NUP107: variants seen among roughly 807,000 people sequenced by gnomAD.
NUP107 encodes nucleoporin 107, also known as nuclear pore complex protein Nup107.
NUP107 carries 101 observed loss-of-function variants against 141.0 expected under a neutral mutation model. The ratio of observed to expected loss-of-function variants is 0.72; its 90% CI spans 0.61 to 0.84. The LOEUF is 0.84. Among genes scored for constraint, NUP107 ranks in the 40% least tolerant of loss-of-function variants. The pLI, the probability that NUP107 is intolerant of heterozygous loss-of-function variation, is 0.00. For synonymous variants in NUP107, 319 were observed against 363.9 expected, an observed-to-expected ratio of 0.88 and a Z score of 1.41; for missense variants, 941 against 1,102.7, an observed-to-expected ratio of 0.85 and a Z score of 2.08.
At chr12:68,737,423 C>G (rs1878122859) in intron 26 of NUP107, among the ~76,000 whole-genome samples, 1 of 151,656 alleles carries the variant, frequency 6.6e-6, no homozygotes, top group Non-Finnish European at 1.5e-5. Flanking sequence ...AAAAATTAGC[C>G]TGGTGTGGTG....
At chr12:68,689,773 G>A in intron 3 of NUP107, 154 bp downstream of exon 3, 1 of 600,346 alleles carries the variant, frequency 1.7e-6, no homozygotes, top group South Asian at 2.1e-5. Context: ...CTCTTGCCAT[G>A]TACAAGGTAC....
chr12:68,713,964 G>T, intron 11 of NUP107, 156 bp downstream of exon 11: 1 of 572,608 alleles, frequency 1.7e-6, no homozygotes, highest in South Asian at 2.2e-5. Context: ...GGAATCTGAT[G>T]GAATATATTG....
chr12:68,709,977 CTAATT>C, intron 9 of NUP107, 23 bp from the exon 10 acceptor site: 1 of 1,295,570 alleles, frequency 7.7e-7, no homozygotes, highest in Non-Finnish European at 1.1e-6. Flanking sequence ...GTAGTTAACA[CTAATT>C]TATTTTTTTC....
chr12:68,719,581 CAGA>C lies in NUP107; in HGVS notation c.1180_1182del (p.Glu394del), dbSNP rs1432483610. On this transcript the variant is annotated inframe_deletion, in exon 14 of 28. Coordinates refer to ENST00000229179, the MANE Select transcript of NUP107 (RefSeq NM_020401.4). ...ATTTTCTTTTGCTATTTTATAGGAA[CAGA>C]ATTAGAACCTGTTGAAGGGAATCCA... The C allele has an allele frequency of 1.2e-6, 2 of 1,609,284 alleles. No homozygotes were observed. Among genetic ancestry groups the C allele is most frequent in the East Asian group, 4.5e-5 (2 of 44,816 alleles).
chr12:68,705,703 T>C, intron 8 of NUP107: 1 of 653,762 alleles, frequency 1.5e-6, no homozygotes, highest in South Asian at 1.4e-5. Context: ...CAGTAGCCAT[T>C]CCTACATGTG....
At chr12:68,693,944 T>A (rs1238320655) in intron 5 of NUP107, among the ~76,000 whole-genome samples, 1 of 152,240 alleles carries the variant, frequency 6.6e-6, no homozygotes, top group African/African-American at 2.4e-5. Context: ...TTATGACCAC[T>A]GTACAAGCAT....
chr12:68,721,010 A>G, intron 14 of NUP107, 108 bp from the exon 15 acceptor site: 4 of 609,018 alleles, frequency 6.6e-6, no homozygotes, highest in Non-Finnish European at 2.9e-6. Flanking sequence ...AAAACTATCA[A>G]GTGAATAGGT....
chr12:68,706,416 C>T (rs917489366), intron 8 of NUP107: 3 of 928,300 alleles, frequency 3.2e-6, no homozygotes, highest in African/African-American at 3.2e-5. Flanking sequence ...AGCATCATCG[C>T]TGAGGTCAAG....
chr12:68,708,093 A>G (rs879462803), intron 8 of NUP107, among the ~76,000 whole-genome samples: 1 of 152,164 alleles, frequency 6.6e-6, no homozygotes, highest in Non-Finnish European at 1.5e-5. Flanking sequence ...CTCTGTCTCA[A>G]AAAATAAATA....
chr12:68,689,592 C>T lies in NUP107; in HGVS notation c.160C>T (p.Arg54Ter). The stretch of plus-strand genomic sequence containing the variant: ...TACACCAAGAAACCAGGTTATCCCT[C>T]GAACTCCTAGCTCATTTCGACAGCC... ...NTTPRNQVIP[R>*]TPSSFRQPFT... Residue 54 changes from arginine to a stop codon, truncating the protein, a stop_gained, in exon 3 of 28, where the codon CGA becomes TGA. Coordinates refer to ENST00000229179, the MANE Select transcript of NUP107 (RefSeq NM_020401.4). LOFTEE classifies it high-confidence loss of function. The T allele has an allele frequency of 3.1e-6, 5 of 1,612,582 alleles. No homozygotes were observed. The highest frequency in any genetic ancestry group is 1.1e-5 in the South Asian group (1 of 90,818).
intron 10 of NUP107, among the ~76,000 whole-genome samples, 191 bp from the exon 11 acceptor site, chr12:68,713,539 C>T (rs557472815): frequency 6.6e-6 from 1 of 152,056 alleles, no homozygotes; most frequent in South Asian, 2.1e-4. Flanking sequence ...AGATGAATGG[C>T]CAATAAGGAC....
chr12:68,726,468 A>G (rs1360355609), intron 18 of NUP107, 31 bp from the exon 19 acceptor site: 13 of 1,340,984 alleles, frequency 9.7e-6, no homozygotes, highest in Non-Finnish European at 1.3e-5. Flanking sequence ...TTTTATTCCT[A>G]TTGTTGAATC....
Position 68,743,849 on chromosome 12 carries a change from G to T in NUP107, c.*1387G>T, listed in dbSNP as rs961300801. 1 of 152,010 alleles carries T rather than the reference G, an allele frequency of 6.6e-6. No individual in the cohort carries two copies. The highest frequency in any genetic ancestry group is 2.4e-5 in the African/African-American group (1 of 41,378). The allele number at this position is 152,010 out of a possible 1,614,324, so 9.4% of individuals were successfully genotyped here. A position where few individuals can be genotyped will look rare whatever the true frequency, so the allele number is the denominator to read the frequency against. ...TTTATTTCTCTAAAGAATTCATCTTGTCTTCCTGTTTTCTTTATTCTTACT... is the reference window on the plus strand; with the variant it reads ...TTTATTTCTCTAAAGAATTCATCTTTTCTTCCTGTTTTCTTTATTCTTACT... On this transcript the variant is annotated 3_prime_UTR_variant, in exon 28 of 28. Coordinates refer to ENST00000229179, the MANE Select transcript of NUP107 (RefSeq NM_020401.4).
chr12:68,701,896 G>A (rs554881550), intron 7 of NUP107, among the ~76,000 whole-genome samples: 5 of 151,918 alleles, frequency 3.3e-5, no homozygotes, highest in South Asian at 2.1e-4. Flanking sequence ...TGCAACCTCC[G>A]CCTCTGAGGT....
In NUP107 at chr12:68,690,705, C is replaced by G; in HGVS notation, c.262C>G (p.Arg88Gly). The G allele has an allele frequency of 6.2e-7, 1 of 1,614,144 alleles. No individual in the cohort carries two copies. Among genetic ancestry groups the G allele is most frequent in the Non-Finnish European group, 8.5e-7 (1 of 1,180,000 alleles). The change falls in exon 4 of 28, where the codon CGA (arginine) becomes GGA (glycine). Residue 88 changes from arginine (R) to glycine (G), a missense_variant. Coordinates refer to ENST00000229179, the MANE Select transcript of NUP107 (RefSeq NM_020401.4). Reference sequence around the variant, plus strand: ...TCTTGGAACAGGAGGGAAGTCGCCCCGACTTACGCAGTCTTCAGGGTTCTT... The same window carrying G: ...TCTTGGAACAGGAGGGAAGTCGCCCGGACTTACGCAGTCTTCAGGGTTCTT... ...CILGTGGKSP[R>G]LTQSSGFFGN...
At chr12:68,708,378 GATTA>G (rs1200470817) in intron 8 of NUP107, among the ~76,000 whole-genome samples, 5 of 151,980 alleles carry the variant, frequency 3.3e-5, no homozygotes, top group Admixed American at 3.3e-4. Context: ...GGATAAAATG[GATTA>G]ATTAATTAAT....
chr12:68,741,715 AC>A, intron 26 of NUP107, 97 bp from the exon 27 acceptor site: 1 of 1,059,062 alleles, frequency 9.4e-7, no homozygotes, highest in East Asian at 2.4e-5. Context: ...AATCTTGTCT[AC>A]CAATTACATT....
In NUP107 at chr12:68,709,301, C is replaced by A. The variant is rs867744331; in HGVS notation, c.793C>A (p.Gln265Lys). The A allele has an allele frequency of 1.3e-6, 2 of 1,596,226 alleles. No individual in the cohort carries two copies. The highest frequency in any genetic ancestry group is 2.7e-5 in the African/African-American group (2 of 74,322). ...ATTTCAGAGGGATTCACTTGTTCGA[C>A]AAAGTCAGGTATGACTAGAATTTAA... ...ALFQRDSLVR[Q>K]SQLVVDWLES... The change falls in exon 9 of 28, where the codon CAA (glutamine) becomes AAA (lysine). Residue 265 changes from glutamine (Q) to lysine (K), a missense_variant. Coordinates refer to ENST00000229179, the MANE Select transcript of NUP107 (RefSeq NM_020401.4).
intron 14 of NUP107, 40 bp downstream of exon 14, chr12:68,719,694 C>T: frequency 7.2e-7 from 1 of 1,388,620 alleles, no homozygotes; most frequent in South Asian, 1.2e-5. Flanking sequence ...GTTTTTAACT[C>T]CAATTAATTG....
Sources: gnomAD v4.1 joint callset for allele counts (sites outside exome capture counted in the v4.1 genomes callset) on GRCh38, gnomAD v4.1.1 for gene constraint, MANE v1.5 for transcripts, NCBI Gene and HGNC (gene_info 2026-07-23, HGNC 2026-07-21) for gene names.